The following VPS54 variants were observed in gnomAD, a reference collection of about 807,000 sequenced individuals.
VPS54 encodes the protein vacuolar protein sorting-associated protein 54.
Under a neutral mutation model 121.5 loss-of-function variants are expected in VPS54, and 45 were observed. That is an observed-to-expected ratio of 0.37 (90% CI 0.29 to 0.47). VPS54 has a LOEUF of 0.47. VPS54 is among the 20% of genes least tolerant of loss of function. The probability of loss-of-function intolerance (pLI) is 0.99; values close to 1 mark genes in which losing one functional copy is unlikely to be tolerated. For missense variants in VPS54, 1,090 were observed against 1,131.4 expected, an observed-to-expected ratio of 0.96 and a Z score of 0.52; for synonymous variants, 371 against 385.8, an observed-to-expected ratio of 0.96 and a Z score of 0.45.
chr2:63,918,884 C>A (rs1673505437), intron 15 of VPS54, among the ~76,000 whole-genome samples: 1 of 151,994 alleles, frequency 6.6e-6, no homozygotes, highest in Admixed American at 6.6e-5. Context: ...CACTGAACTG[C>A]AATTTGACTA....
chr2:63,910,447 G>C, intron 20 of VPS54, among the ~76,000 whole-genome samples: 1 of 152,128 alleles, frequency 6.6e-6, no homozygotes, highest in East Asian at 1.9e-4. Flanking sequence ...AGAAGCCTTT[G>C]TCCAAACAAA....
chr2:63,971,723 C>T (rs1434761646), intron 4 of VPS54, among the ~76,000 whole-genome samples: 1 of 152,186 alleles, frequency 6.6e-6, no homozygotes, highest in Non-Finnish European at 1.5e-5. Flanking sequence ...TTATTGGTTT[C>T]TTTCTTTAAA....
intron 4 of VPS54, among the ~76,000 whole-genome samples, chr2:63,971,160 C>G (rs1329540892): frequency 1.3e-5 from 2 of 152,186 alleles, no homozygotes; most frequent in African/African-American, 4.8e-5. Flanking sequence ...ACCTGTGTCT[C>G]AATCTCTGAG....
chr2:63,948,414 G>GTTTTT lies in VPS54; in HGVS notation c.1137+618_1137+622dup, dbSNP rs560700373. On this transcript the variant is annotated intron_variant, in intron 8 of 22. Transcript: ENST00000272322. ...CCATATGATAATGATCACTTTTTCG[G>GTTTTT]TTTTTTTTTTTTTTTTTTTTTGAGA... Among the ~76,000 whole-genome samples the GTTTTT allele has an allele frequency of 5.7e-5, 6 of 106,128 alleles. 1 individual carries two copies. Among genetic ancestry groups the GTTTTT allele is most frequent in the Non-Finnish European group, 7.3e-5 (4 of 54,792 alleles). The allele number at this position is 106,128 out of a possible 152,430, so 69.6% of individuals were successfully genotyped here. A position where few individuals can be genotyped will look rare whatever the true frequency, so the allele number is the denominator to read the frequency against.
At chr2:64,006,599 A>G (rs1391017610) in intron 1 of VPS54, among the ~76,000 whole-genome samples, 3 of 152,212 alleles carry the variant, frequency 2.0e-5, no homozygotes, top group African/African-American at 7.2e-5. Flanking sequence ...TAGACATTCA[A>G]TAAATAATTG....
chr2:63,917,576 T>C (rs1232554765), intron 15 of VPS54, among the ~76,000 whole-genome samples: 18 of 152,028 alleles, frequency 1.2e-4, no homozygotes, highest in African/African-American at 1.2e-4. Flanking sequence ...ACACGCCAAA[T>C]TGATTAGATT....
At chr2:64,000,842 T>C (rs1258829019) in intron 1 of VPS54, among the ~76,000 whole-genome samples, 1 of 152,148 alleles carries the variant, frequency 6.6e-6, no homozygotes, top group Non-Finnish European at 1.5e-5. Flanking sequence ...AGCACAGCAC[T>C]GAGTCTCACC....
chr2:63,908,132 T>C (rs1213856188), intron 20 of VPS54, among the ~76,000 whole-genome samples: 1 of 152,208 alleles, frequency 6.6e-6, no homozygotes, highest in African/African-American at 2.4e-5. Context: ...TTATAACAGC[T>C]TTCTTCATAA....
At chr2:64,007,377 T>C (rs1188870616) in intron 1 of VPS54, among the ~76,000 whole-genome samples, 1 of 152,160 alleles carries the variant, frequency 6.6e-6, no homozygotes, top group Non-Finnish European at 1.5e-5. Context: ...TCCATGGAAG[T>C]AGAGTAGACG....
intron 7 of VPS54, among the ~76,000 whole-genome samples, chr2:63,961,489 G>A (rs989510329): frequency 1.7e-4 from 25 of 150,634 alleles, no homozygotes; most frequent in Non-Finnish European, 7.4e-5. Flanking sequence ...TTAATGGAAC[G>A]AAATTTTGAT....
chr2:63,911,416 G>A (rs1470010354), intron 20 of VPS54, among the ~76,000 whole-genome samples: 1 of 152,004 alleles, frequency 6.6e-6, no homozygotes, highest in African/African-American at 2.4e-5. Flanking sequence ...GGGATTCCCA[G>A]AAGTCAGAGA....
intron 11 of VPS54, among the ~76,000 whole-genome samples, chr2:63,941,927 G>A (rs149914633): frequency 0.011 from 1,740 of 151,568 alleles, 21 homozygotes; most frequent in Non-Finnish European, 0.017. Context: ...CTAGCTACTC[G>A]GGAGGCTGAG....
At chr2:63,998,218 AGTTT>A (rs1051116771) in intron 1 of VPS54, among the ~76,000 whole-genome samples, 12 of 152,200 alleles carry the variant, frequency 7.9e-5, no homozygotes, top group Admixed American at 7.8e-4. Context: ...CTCTTCTTAT[AGTTT>A]GTGTCTTGAA....
chr2:63,971,715 A>T (rs1027413699), intron 4 of VPS54, among the ~76,000 whole-genome samples: 1 of 152,200 alleles, frequency 6.6e-6, no homozygotes, highest in Non-Finnish European at 1.5e-5. Context: ...TGATACAATT[A>T]TTGGTTTCTT....
At position 63,918,178 on chromosome 2, in the gene VPS54, G is replaced by A. The variant is rs140532216; in HGVS notation, c.2165-1215C>T. 2.0e-3 allele frequency among the ~76,000 whole-genome samples: 299 copies of A among 152,098 alleles called. 1 individual carries two copies. The highest frequency in any genetic ancestry group is 3.4e-3 in the Middle Eastern group (1 of 294). On this transcript the variant is annotated intron_variant, in intron 15 of 22. Transcript: ENST00000272322. ...ATTCAGAGAGGAAAACAAAGACTGA[G>A]ATGAAGCAAGGTATGTAAAAGAAAC...
intron 12 of VPS54, among the ~76,000 whole-genome samples, chr2:63,922,653 C>T (rs1177109457): frequency 1.3e-5 from 2 of 152,182 alleles, no homozygotes; most frequent in Non-Finnish European, 1.5e-5. Context: ...GAGAGTAGAA[C>T]TAGAACCTAG....
Position 63,893,133 on chromosome 2 carries a change from T to TA in VPS54, c.*296dup, listed in dbSNP as rs2104386114. The TA allele has an allele frequency of 2.3e-6, 1 of 442,160 alleles. No individual in the cohort carries two copies. Among genetic ancestry groups the TA allele is most frequent in the African/African-American group, 2.0e-5 (1 of 50,316 alleles). The allele number at this position is 442,160 out of a possible 1,614,324, so 27.4% of individuals were successfully genotyped here. On this transcript the variant is annotated 3_prime_UTR_variant, in exon 23 of 23. Transcript: ENST00000272322. ...GCATTCTAGTCAACTACAGCTGTGT[T>TA]ACAGCTATGTGTTCTTTTGGATTTG...
chr2:63,957,564 T>C (rs944022803), intron 7 of VPS54, among the ~76,000 whole-genome samples: 22 of 151,768 alleles, frequency 1.4e-4, no homozygotes, highest in African/African-American at 5.1e-4. Flanking sequence ...TACAAAAGAA[T>C]AATAATAATT....
Position 63,927,418 on chromosome 2 carries a change from G to T in VPS54, c.1740-6083C>A, listed in dbSNP as rs567831306. 3.3e-5 allele frequency among the ~76,000 whole-genome samples: 5 copies of T among 152,310 alleles called. No individual in the cohort carries two copies. In the East Asian group the frequency reaches 9.6e-4, roughly 29 times the overall value. On this transcript the variant is annotated intron_variant, in intron 12 of 22. Coordinates refer to ENST00000272322, the MANE Select transcript of VPS54 (RefSeq NM_016516.3). ...AACTCCAACACACCTGCAGTTGAGG[G>T]ATGTGACTGTTGGAAGGAAAATTAA...
Sources: allele counts gnomAD v4.1 joint callset (sites outside exome capture counted in the v4.1 genomes callset), GRCh38; gene constraint gnomAD v4.1.1; transcripts MANE v1.5; gene names NCBI Gene and HGNC (gene_info 2026-07-23, HGNC 2026-07-21).